ELMO1: variants seen among roughly 807,000 people sequenced by gnomAD.
ELMO1 encodes engulfment and cell motility 1.
ELMO1 carries 26 observed loss-of-function variants against 98.9 expected under a neutral mutation model. The observed-to-expected ratio is 0.26, with a 90% CI of 0.19 to 0.36. The LOEUF (loss-of-function observed/expected upper bound fraction) is 0.36, where lower values mean the gene tolerates loss of function less well. ELMO1 is among the 10% of genes least tolerant of loss of function. The probability of loss-of-function intolerance (pLI) is 1.00; values close to 1 mark genes in which losing one functional copy is unlikely to be tolerated. For missense variants in ELMO1, 627 were observed against 935.2 expected (o/e 0.67, Z 4.30); for synonymous variants, 346 against 346.0 (o/e 1.00, Z 0.00).
At chr7:37,435,352 A>G (rs891271199) in intron 1 of ELMO1, 6 of 152,228 alleles carry the variant, frequency 3.9e-5, no homozygotes, top group African/African-American at 1.2e-4. Context: ...CTTCCCAGCC[A>G]AGGACTAAAG....
intron 15 of ELMO1, among the ~76,000 whole-genome samples, chr7:37,084,434 T>A (rs1160921493): frequency 6.6e-6 from 1 of 152,182 alleles, no homozygotes. Context: ...CTGAATTCAC[T>A]AAGAGTCTAG....
At chr7:37,329,800 A>T (rs10269144) in intron 2 of ELMO1, among the ~76,000 whole-genome samples, 70,961 of 151,972 alleles carry the variant, frequency 0.47, 16,812 homozygotes, top group East Asian at 0.57. Flanking sequence ...ATAATCAATC[A>T]TCAATTTTCT....
chr7:37,401,072 G>A (rs898536780), intron 1 of ELMO1, among the ~76,000 whole-genome samples: 1 of 152,096 alleles, frequency 6.6e-6, no homozygotes, highest in Non-Finnish European at 1.5e-5. Flanking sequence ...AAACCCCTAG[G>A]AACCCTACAC....
At chr7:37,169,551 C>T (rs573977714) in intron 13 of ELMO1, among the ~76,000 whole-genome samples, 6 of 152,256 alleles carry the variant, frequency 3.9e-5, no homozygotes, top group African/African-American at 1.4e-4. Flanking sequence ...CTTTAGATGT[C>T]CTGAAAAAAA....
chr7:37,058,180 C>T (rs990162006), intron 15 of ELMO1, among the ~76,000 whole-genome samples: 10 of 152,130 alleles, frequency 6.6e-5, no homozygotes, highest in Admixed American at 1.3e-4. Context: ...AGAGTTCCTT[C>T]GACTCTATCA....
intron 15 of ELMO1, among the ~76,000 whole-genome samples, chr7:37,090,662 T>C (rs1473202026): frequency 6.6e-6 from 1 of 152,192 alleles, no homozygotes; most frequent in African/African-American, 2.4e-5. Context: ...CTCTTTGTCT[T>C]TGTGAACCCC....
At chr7:37,337,532 A>T (rs1031069903) in intron 2 of ELMO1, among the ~76,000 whole-genome samples, 3 of 152,056 alleles carry the variant, frequency 2.0e-5, no homozygotes, top group Non-Finnish European at 4.4e-5. Flanking sequence ...ATAAAAAAAA[A>T]AAAAAAAAAA....
chr7:37,337,526 A>T (rs1326813981), intron 2 of ELMO1, among the ~76,000 whole-genome samples: 3 of 49,822 alleles, frequency 6.0e-5, no homozygotes, highest in African/African-American at 9.3e-5. Flanking sequence ...TAAAGTATAA[A>T]AAAAAAAAAA....
intron 1 of ELMO1, among the ~76,000 whole-genome samples, chr7:37,374,823 G>A (rs1466170711): frequency 6.6e-6 from 1 of 152,112 alleles, no homozygotes; most frequent in Non-Finnish European, 1.5e-5. Context: ...AGCACTTTGG[G>A]AGGCTGAGGT....
chr7:37,064,330 G>C (rs1011863635), intron 15 of ELMO1, among the ~76,000 whole-genome samples: 1 of 152,178 alleles, frequency 6.6e-6, no homozygotes, highest in African/African-American at 2.4e-5. Context: ...TATGGAGCTT[G>C]GGTCCCAGGG....
chr7:37,024,505 G>T (rs551560180), intron 15 of ELMO1, among the ~76,000 whole-genome samples: 1 of 152,284 alleles, frequency 6.6e-6, no homozygotes, highest in South Asian at 2.1e-4. Context: ...ATATTTCAGC[G>T]TATTATGGAT....
intron 16 of ELMO1, among the ~76,000 whole-genome samples, chr7:36,977,765 C>T (rs1201197261): frequency 6.6e-6 from 1 of 152,116 alleles, no homozygotes; most frequent in Non-Finnish European, 1.5e-5. Context: ...TTGTTTTCAC[C>T]GATTACTTTC....
At chr7:37,053,430 T>A (rs371106132) in intron 15 of ELMO1, among the ~76,000 whole-genome samples, 3 of 152,234 alleles carry the variant, frequency 2.0e-5, no homozygotes, top group Non-Finnish European at 1.5e-5. Context: ...AAGTCAAATA[T>A]CTTTTCACTT....
Position 37,256,577 on chromosome 7 carries a change from A to C in ELMO1, c.413+2604T>G, listed in dbSNP as rs1005141941. On this transcript the variant is annotated intron_variant, in intron 6 of 21. Transcript: ENST00000310758. ...AAGGAAGGAAGGAAGGAAGGAAGGA[A>C]AGGAGGGAGGGAGGGAAAAGGGGAG... 1.3e-4 allele frequency among the ~76,000 whole-genome samples: 15 copies of C among 111,840 alleles called. 1 individual carries two copies. The highest frequency in any genetic ancestry group is 2.3e-4 in the Non-Finnish European group (13 of 56,026). 73.4% of individuals were successfully genotyped at this position (111,840 alleles called of 152,430 possible).
In ELMO1 at chr7:37,278,165, G is replaced by A. The variant is rs1796952104; in HGVS notation, c.193-6283C>T. Reference sequence around the variant, plus strand: ...GGGGCTGGGGGTGGTGTGGTACTGGGTGGCCCTTTTTGATGTGTTAACTTC... The same window carrying A: ...GGGGCTGGGGGTGGTGTGGTACTGGATGGCCCTTTTTGATGTGTTAACTTC... On this transcript the variant is annotated intron_variant, in intron 4 of 21. Coordinates refer to ENST00000310758, the MANE Select transcript of ELMO1 (RefSeq NM_014800.11). Among the ~76,000 whole-genome samples the A allele has an allele frequency of 2.5e-3, 4 of 1,570 alleles. No homozygotes were observed. In the South Asian group the frequency reaches 0.074, roughly 29 times the overall value. 1.0% of individuals were successfully genotyped at this position (1,570 alleles called of 152,430 possible).
intron 13 of ELMO1, among the ~76,000 whole-genome samples, chr7:37,199,187 T>C (rs7800864): frequency 1 from 151,727 of 152,390 alleles, 75,539 homozygotes; most frequent in East Asian, 1. Context: ...CAATAACCAT[T>C]CCTGAGAAAT....
chr7:37,181,030 A>G (rs1790831781), intron 13 of ELMO1, among the ~76,000 whole-genome samples: 1 of 152,190 alleles, frequency 6.6e-6, no homozygotes, highest in Non-Finnish European at 1.5e-5. Context: ...TGATTGTGCA[A>G]TATTATAAAT....
chr7:37,294,395 C>G (rs568724840), intron 4 of ELMO1, among the ~76,000 whole-genome samples: 21 of 151,830 alleles, frequency 1.4e-4, no homozygotes, highest in African/African-American at 4.8e-4. Context: ...CCCATGGTGT[C>G]CTAGCCATGG....
intron 15 of ELMO1, among the ~76,000 whole-genome samples, chr7:37,036,085 G>A (rs543579317): frequency 6.6e-6 from 1 of 152,200 alleles, no homozygotes; most frequent in African/African-American, 2.4e-5. Flanking sequence ...TGATAAAATA[G>A]AGTAGTATCT....
Sources: gnomAD v4.1 joint callset for allele counts (sites outside exome capture counted in the v4.1 genomes callset) on GRCh38, gnomAD v4.1.1 for gene constraint, MANE v1.5 for transcripts, NCBI Gene and HGNC (gene_info 2026-07-23, HGNC 2026-07-21) for gene names.